CPSF7: variants seen among roughly 807,000 people sequenced by gnomAD.
The protein encoded by CPSF7 is cleavage and polyadenylation specific factor 7, also known as cleavage and polyadenylation specificity factor subunit 7.
CPSF7 carries 1 observed loss-of-function variant against 44.3 expected under a neutral mutation model. That is an observed-to-expected ratio of 0.02 (90% CI 0.01 to 0.11). The LOEUF is 0.11. Among genes scored for constraint, CPSF7 ranks in the 10% least tolerant of loss-of-function variants. The pLI is 1.00. For missense variants in CPSF7, 443 were observed against 607.2 expected (o/e 0.73, Z 2.84); for synonymous variants, 202 against 222.0 (o/e 0.91, Z 0.80).
At chr11:61,420,987 A>G in intron 3 of CPSF7, 1 of 927,482 alleles carries the variant, frequency 1.1e-6, no homozygotes. Flanking sequence ...AATAACTTGC[A>G]GAACAACAGT....
chr11:61,410,652 T>C (rs1859770368), intron 9 of CPSF7: 1 of 257,734 alleles, frequency 3.9e-6, no homozygotes, highest in Admixed American at 5.0e-5. Context: ...TATGGCCAAT[T>C]ATTAGTGGAG....
intron 2 of CPSF7, among the ~76,000 whole-genome samples, chr11:61,427,945 G>A (rs1861548454): frequency 6.6e-6 from 1 of 152,202 alleles, no homozygotes; most frequent in South Asian, 2.1e-4. Flanking sequence ...ATCAAAGTCA[G>A]GGTCAAACCA....
intron 8 of CPSF7, 51 bp from the exon 9 acceptor site, chr11:61,411,156 C>G (rs780950303): frequency 6.5e-7 from 1 of 1,531,546 alleles, no homozygotes; most frequent in South Asian, 1.2e-5. Context: ...ACTTTCTTTC[C>G]AAGAATGTGG....
chr11:61,415,822 C>T, intron 6 of CPSF7, 38 bp from the exon 7 acceptor site: 4 of 1,393,672 alleles, frequency 2.9e-6, no homozygotes, highest in Non-Finnish European at 3.1e-6. Context: ...TGCTCACATC[C>T]CTTATTATTT....
intron 2 of CPSF7, among the ~76,000 whole-genome samples, chr11:61,423,928 G>A (rs539412838): frequency 6.6e-6 from 1 of 152,332 alleles, no homozygotes; most frequent in African/African-American, 2.4e-5. Context: ...TGATAGAGAA[G>A]GGGGAAGGAT....
intron 5 of CPSF7, among the ~76,000 whole-genome samples, chr11:61,418,032 G>A (rs996955322): frequency 2.0e-5 from 3 of 152,202 alleles, no homozygotes; most frequent in Admixed American, 6.5e-5. Context: ...AAAGTCAGGG[G>A]TGAATTACAG....
chr11:61,423,406 C>T lies in CPSF7; in HGVS notation c.55-1798G>A, dbSNP rs901141989. Among the ~76,000 whole-genome samples, 4 of 152,090 alleles carry T rather than the reference C, an allele frequency of 2.6e-5. No homozygotes were observed. In the East Asian group the frequency reaches 5.8e-4, roughly 22 times the overall value. ...CAGGCTGGTCTCAAACCCTTCATCT[C>T]GTGATCTGCCCACCTCGGCCTCCCA... On this transcript the variant is annotated intron_variant, in intron 2 of 9. Coordinates refer to ENST00000439958, the MANE Select transcript of CPSF7 (RefSeq NM_001142565.3).
chr11:61,413,924 T>C (rs962414646), intron 7 of CPSF7, among the ~76,000 whole-genome samples: 1 of 152,122 alleles, frequency 6.6e-6, no homozygotes, highest in South Asian at 2.1e-4. Context: ...ATCAGCTCCA[T>C]CCTGGCAGGG....
chr11:61,411,954 G>A lies in CPSF7; in HGVS notation c.1058-17C>T, dbSNP rs189534199. On this transcript the variant is annotated splice_polypyrimidine_tract_variant and intron_variant, in intron 7 of 9. Coordinates refer to ENST00000439958, the MANE Select transcript of CPSF7 (RefSeq NM_001142565.3). ...TGTAATCCCCTGATAAAGGATGAAG[G>A]AGAAAGGCCAAGGGTGAGGAGAGAT... 3.6e-4 allele frequency: 573 copies of A among 1,612,906 alleles called. 4 individuals carry two copies. The African/African-American group carries it at 7.1e-3, about 20-fold the overall frequency.
intron 1 of CPSF7, chr11:61,429,621 T>G: frequency 1.0e-6 from 1 of 963,900 alleles, no homozygotes; most frequent in South Asian, 1.5e-5. Context: ...GCAGCCCCTA[T>G]CCGCTGCACC....
intron 2 of CPSF7, among the ~76,000 whole-genome samples, chr11:61,423,867 T>G (rs532582191): frequency 7.9e-5 from 12 of 152,332 alleles, no homozygotes; most frequent in Admixed American, 2.6e-4. Context: ...TCAGTTTATC[T>G]GAAGTACAGT....
intron 6 of CPSF7, 21 bp from the exon 7 acceptor site, chr11:61,415,805 C>A: frequency 6.7e-7 from 1 of 1,482,200 alleles, no homozygotes; most frequent in Non-Finnish European, 9.4e-7. Context: ...AAAATACCAT[C>A]CTTGATTGCT....
At chr11:61,415,938 A>G in intron 6 of CPSF7, 154 bp from the exon 7 acceptor site, 1 of 819,930 alleles carries the variant, frequency 1.2e-6, no homozygotes, top group Non-Finnish European at 1.9e-6. Flanking sequence ...AGCACCTTAA[A>G]AAGGGGTATA....
chr11:61,411,506 G>A (rs1859844415), intron 8 of CPSF7, among the ~76,000 whole-genome samples: 1 of 152,100 alleles, frequency 6.6e-6, no homozygotes. Flanking sequence ...AAGCTTGTAG[G>A]GCTCCAAAAC....
intron 9 of CPSF7, among the ~76,000 whole-genome samples, chr11:61,409,139 T>C (rs1859609756): frequency 6.6e-6 from 1 of 151,440 alleles, no homozygotes; most frequent in African/African-American, 2.4e-5. Context: ...AGTGAGACAA[T>C]GTGTCTATTA....
intron 9 of CPSF7, among the ~76,000 whole-genome samples, chr11:61,408,402 C>T (rs1181541473): frequency 3.9e-5 from 6 of 152,132 alleles, no homozygotes; most frequent in Admixed American, 2.0e-4. Context: ...CCACCGTGCT[C>T]GGCCAAGGAC....
At position 61,411,718 on chromosome 11, in the gene CPSF7, T is replaced by A. The variant is rs768061093; in HGVS notation, c.1226+51A>T. 1.9e-5 allele frequency: 29 copies of A among 1,549,042 alleles called. No homozygotes were observed. In the East Asian group the frequency reaches 6.4e-4, roughly 34 times the overall value. ...TCCATTTGTCCCCACTCCCTATCCC[T>A]GGAAGAGTGCTGCTTGGGGCTGGTA... On this transcript the variant is annotated intron_variant, in intron 8 of 9. Transcript: ENST00000439958.
intron 9 of CPSF7, chr11:61,410,643 A>C: frequency 4.3e-6 from 1 of 230,390 alleles, no homozygotes; most frequent in Non-Finnish European, 8.4e-6. Context: ...AGAAAGTAAT[A>C]TGGCCAATTA....
chr11:61,409,665 T>A (rs548330496), intron 9 of CPSF7, among the ~76,000 whole-genome samples: 5 of 3,896 alleles, frequency 1.3e-3, no homozygotes, highest in African/African-American at 2.4e-3. Flanking sequence ...AAATAAACCG[T>A]TTTTTTTTTT....
Sources: allele counts gnomAD v4.1 joint callset (sites outside exome capture counted in the v4.1 genomes callset), GRCh38; gene constraint gnomAD v4.1.1; transcripts MANE v1.5; gene names NCBI Gene and HGNC (gene_info 2026-07-23, HGNC 2026-07-21).